EHMT1: variants seen among roughly 807,000 people sequenced by gnomAD.
The protein encoded by EHMT1 is euchromatic histone lysine methyltransferase 1.
Under a neutral mutation model 147.2 loss-of-function variants are expected in EHMT1, and 15 were observed. The observed-to-expected ratio is 0.10, with a 90% confidence interval of 0.07 to 0.16. EHMT1 has a LOEUF of 0.16. EHMT1 is among the 10% of genes least tolerant of loss of function. The pLI, the probability that EHMT1 is intolerant of heterozygous loss-of-function variation, is 1.00. For missense variants in EHMT1, 1,587 were observed against 1,772.4 expected, an observed-to-expected ratio of 0.90 and a Z score of 1.88; for synonymous variants, 795 against 709.6, an observed-to-expected ratio of 1.12 and a Z score of -1.91.
chr9:137,662,205 TA>T (rs774855286), intron 1 of EHMT1, among the ~76,000 whole-genome samples: 2 of 152,188 alleles, frequency 1.3e-5, no homozygotes, highest in Admixed American at 6.5e-5. Context: ...TTTGTTTAGA[TA>T]TTTTTTTTCC....
intron 6 of EHMT1, among the ~76,000 whole-genome samples, chr9:137,750,419 T>G (rs2136159844): frequency 6.6e-6 from 1 of 152,280 alleles, no homozygotes; most frequent in South Asian, 2.1e-4. Context: ...ATATCAGACC[T>G]AAAAAGTTAG....
chr9:137,718,661 TTGC>T (rs1945600181), intron 3 of EHMT1, among the ~76,000 whole-genome samples: 1 of 152,180 alleles, frequency 6.6e-6, no homozygotes, highest in African/African-American at 2.4e-5. Context: ...CTTCCCCTTC[TTGC>T]TGTTCATCCC....
rs750743495 is a variant in EHMT1 at position 137,775,069 on chromosome 9, C to T, written c.1648-40C>T. 37 of 1,613,642 alleles carry T rather than the reference C, an allele frequency of 2.3e-5. 1 individual carries two copies. The highest frequency in any genetic ancestry group is 1.6e-4 in the Middle Eastern group (1 of 6,074). On this transcript the variant is annotated intron_variant, in intron 10 of 26. Transcript: ENST00000460843. The surrounding 1 kb of genome is among the most constrained non-coding windows in gnomAD (Gnocchi z 6.1). ...CTGGTGGGAGGGAATGCCGGCCTCTCGTGACTCTGACATTGACCACCAGTC... is the reference window on the plus strand; with the variant it reads ...CTGGTGGGAGGGAATGCCGGCCTCTTGTGACTCTGACATTGACCACCAGTC...
intron 3 of EHMT1, among the ~76,000 whole-genome samples, chr9:137,722,185 A>G (rs1461118147): frequency 2.6e-5 from 4 of 152,014 alleles, no homozygotes; most frequent in African/African-American, 9.7e-5. Context: ...TACTTCCAGG[A>G]TTTTATTCTC....
chr9:137,646,340 A>T, intron 1 of EHMT1: 1 of 985,446 alleles, frequency 1.0e-6, no homozygotes, highest in Non-Finnish European at 1.2e-6. Flanking sequence ...GGACAGTGGT[A>T]CCTGGCCTGA....
At chr9:137,814,089 G>A (rs1954732876) in intron 21 of EHMT1, among the ~76,000 whole-genome samples, 1 of 95,308 alleles carries the variant, frequency 1.0e-5, no homozygotes, top group Non-Finnish European at 2.1e-5. Context: ...GCCCCACAAG[G>A]TGTGTCAGGC....
At chr9:137,760,054 G>A (rs976570626) in intron 9 of EHMT1, among the ~76,000 whole-genome samples, 2 of 152,178 alleles carry the variant, frequency 1.3e-5, no homozygotes, top group Admixed American at 6.5e-5. Flanking sequence ...GCTGAATGGC[G>A]ATGTCACCCA....
At chr9:137,673,830 T>A (rs970691600) in intron 1 of EHMT1, among the ~76,000 whole-genome samples, 1 of 152,220 alleles carries the variant, frequency 6.6e-6, no homozygotes, top group Non-Finnish European at 1.5e-5. Context: ...ATGAATATAG[T>A]AAGATTAAAA....
chr9:137,752,511 C>G (rs1208333017), intron 7 of EHMT1, 103 bp downstream of exon 7: 3 of 1,361,426 alleles, frequency 2.2e-6, no homozygotes, highest in Non-Finnish European at 3.1e-6. Context: ...TGCCTGAGCG[C>G]TCACCCATGT....
chr9:137,656,404 T>C (rs1004695369), intron 1 of EHMT1, among the ~76,000 whole-genome samples: 1 of 152,016 alleles, frequency 6.6e-6, no homozygotes, highest in African/African-American at 2.4e-5. Flanking sequence ...AAAACAAAAA[T>C]GTATAGCTAT....
At chr9:137,718,183 C>G (rs1945552013) in intron 3 of EHMT1, among the ~76,000 whole-genome samples, 1 of 151,228 alleles carries the variant, frequency 6.6e-6, no homozygotes, top group East Asian at 1.9e-4. Context: ...ACAGGGCGCG[C>G]CCGCCCCTCA....
Position 137,619,068 on chromosome 9 carries a change from G to GC in EHMT1, c.21+19_21+20insC. The GC allele has an allele frequency of 1.1e-6, 1 of 874,706 alleles. No homozygotes were observed. The highest frequency in any genetic ancestry group is 1.4e-6 in the Non-Finnish European group (1 of 731,940). 54.2% of individuals were successfully genotyped at this position (874,706 alleles called of 1,614,324 possible). On this transcript the variant is annotated intron_variant, in intron 1 of 26. Transcript: ENST00000460843. ...TGCCGAGGTGAGCAGCGGGGCCGGCGGGGGGCGGCGCGGGGGCGGCGGGCA... is the reference window on the plus strand; with the variant it reads ...TGCCGAGGTGAGCAGCGGGGCCGGCGCGGGGGCGGCGCGGGGGCGGCGGGCA...
Position 137,716,831 on chromosome 9 carries a change from A to G in EHMT1, c.291A>G (p.Ser97=). The change falls in exon 3 of 27, where the codon TCA becomes TCG. Residue 97 remains serine (S), a synonymous_variant. Coordinates refer to ENST00000460843, the MANE Select transcript of EHMT1 (RefSeq NM_024757.5). ...TLTRIAENGV[S]ERDSEAAKQN... ...CTCGGATAGCGGAAAATGGGGTTTC[A>G]GAAAGAGACTCAGAAGCGGCGAAGC... is the stretch of plus-strand genomic sequence containing the variant. The G allele has an allele frequency of 6.2e-7, 1 of 1,613,356 alleles. No individual in the cohort carries two copies. The highest frequency in any genetic ancestry group is 1.7e-5 in the Admixed American group (1 of 60,014).
chr9:137,780,270 T>A (rs1951301872), intron 14 of EHMT1, among the ~76,000 whole-genome samples: 2 of 142,640 alleles, frequency 1.4e-5, no homozygotes, highest in African/African-American at 5.3e-5. Flanking sequence ...GGATGTGTGG[T>A]GATGATGCTG....
intron 1 of EHMT1, among the ~76,000 whole-genome samples, chr9:137,654,210 A>G (rs986262571): frequency 6.6e-6 from 1 of 152,116 alleles, no homozygotes; most frequent in African/African-American, 2.4e-5. Context: ...CTGAAAATAC[A>G]AAAATTAGCC....
intron 1 of EHMT1, among the ~76,000 whole-genome samples, chr9:137,632,427 G>T (rs1488253620): frequency 6.6e-6 from 1 of 152,154 alleles, no homozygotes; most frequent in Non-Finnish European, 1.5e-5. Flanking sequence ...AGTCTGAGTT[G>T]TGCTCTTTTT....
intron 25 of EHMT1, chr9:137,834,046 C>T (rs1312414692): frequency 2.1e-6 from 1 of 485,106 alleles, no homozygotes; most frequent in Non-Finnish European, 3.8e-6. Context: ...TGGCGCTGTC[C>T]ACATTCCACC....
At chr9:137,684,538 T>G (rs1353398828) in intron 1 of EHMT1, among the ~76,000 whole-genome samples, 1 of 152,224 alleles carries the variant, frequency 6.6e-6, no homozygotes, top group Non-Finnish European at 1.5e-5. Context: ...GTCACCCATG[T>G]TGGAGTGCAG....
intron 1 of EHMT1, among the ~76,000 whole-genome samples, chr9:137,651,467 A>T (rs928038002): frequency 1.3e-5 from 2 of 152,178 alleles, no homozygotes; most frequent in Non-Finnish European, 2.9e-5. Context: ...TGGACAACAT[A>T]TAAGATGATG....
Sources: allele counts gnomAD v4.1 joint callset (sites outside exome capture counted in the v4.1 genomes callset), GRCh38; gene constraint gnomAD v4.1.1; non-coding constraint Gnocchi (gnomAD v3.1); transcripts MANE v1.5; gene names NCBI Gene and HGNC (gene_info 2026-07-23, HGNC 2026-07-21).